The following POTEB variants were observed in gnomAD, a reference collection of about 807,000 sequenced individuals.
POTEB encodes ANKRD26-like family B, member 1.
intron 9 of POTEB, among the ~76,000 whole-genome samples, chr15:21,855,332 C>G (rs1484106957): frequency 2.0e-5 from 3 of 148,182 alleles, no homozygotes; most frequent in Non-Finnish European, 4.5e-5. Flanking sequence ...GGAACACAGC[C>G]ATGCTTATTC....
Position 21,871,367 on chromosome 15 carries a change from A to ACACACC in POTEB, c.699+639_699+640insGGTGTG, listed in dbSNP as rs1274510700. Among the ~76,000 whole-genome samples, 107 of 15,276 alleles carry ACACACC rather than the reference A, an allele frequency of 7.0e-3. 6 individuals carry two copies. The highest frequency in any genetic ancestry group is 0.016 in the African/African-American group (99 of 6,182). The allele number at this position is 15,276 out of a possible 152,430, so 10.0% of individuals were successfully genotyped here. A position where few individuals can be genotyped will look rare whatever the true frequency, so the allele number is the denominator to read the frequency against. ...CAAATGAATGAACAACAATAACAACACACACACACACACACACACACACAC... is the reference window on the plus strand; with the variant it reads ...CAAATGAATGAACAACAATAACAACACACACCCACACACACACACACACACACACAC... On this transcript the variant is annotated intron_variant, in intron 3 of 10. Coordinates refer to ENST00000439682, the MANE Select transcript of POTEB (RefSeq NM_001277304.2).
chr15:21,866,640 C>CCGTATCATT (rs1278586704), intron 5 of POTEB, among the ~76,000 whole-genome samples: 4 of 32 alleles, frequency 0.12, no homozygotes, highest in African/African-American at 0.13. Flanking sequence ...GATCTGGTAG[C>CCGTATCATT]AAAGAAGAAG....
Position 21,856,929 on chromosome 15 carries a change from ACTT to A in POTEB, c.1158_1160del (p.Ser387del). 1.0e-5 allele frequency: 4 copies of A among 388,398 alleles called. No individual in the cohort carries two copies. Among genetic ancestry groups the A allele is most frequent in the African/African-American group, 7.6e-5 (1 of 13,116 alleles). The allele number at this position is 388,398 out of a possible 1,614,324, so 24.1% of individuals were successfully genotyped here. The stretch of plus-strand genomic sequence containing the variant: ...GGTTTTCTGGTAATCCCACAGGATT[ACTT>A]CCATGCTTCTTTATTTCTTCTTCAA... On this transcript the variant is annotated inframe_deletion, in exon 9 of 11. Coordinates refer to ENST00000439682, the MANE Select transcript of POTEB (RefSeq NM_001277304.2).
At chr15:21,858,992 CA>C (rs1241075835) in intron 7 of POTEB, among the ~76,000 whole-genome samples, 1 of 92,234 alleles carries the variant, frequency 1.1e-5, no homozygotes, top group East Asian at 3.6e-4. Flanking sequence ...CAGGGACCTT[CA>C]GTGTTACATT....
At chr15:21,870,388 G>C in intron 3 of POTEB, among the ~76,000 whole-genome samples, 1 of 53,116 alleles carries the variant, frequency 1.9e-5, no homozygotes, top group Non-Finnish European at 4.1e-5. Context: ...CCAGCCTGGG[G>C]AACAGAGTGA....
At chr15:21,854,850 T>A (rs1287951794) in intron 9 of POTEB, among the ~76,000 whole-genome samples, 1 of 146,082 alleles carries the variant, frequency 6.8e-6, no homozygotes, top group African/African-American at 2.5e-5. Context: ...ATCTTAAAAC[T>A]ATAGAACTAA....
chr15:21,868,566 G>C (rs2141624368), intron 4 of POTEB, among the ~76,000 whole-genome samples: 1 of 52,426 alleles, frequency 1.9e-5, no homozygotes, highest in Non-Finnish European at 3.4e-5. Context: ...TGTGGGAATA[G>C]CAATTAATTG....
intron 9 of POTEB, among the ~76,000 whole-genome samples, chr15:21,851,645 CAG>C (rs1481808289): frequency 7.8e-6 from 1 of 127,976 alleles, no homozygotes; most frequent in Non-Finnish European, 1.7e-5. Flanking sequence ...AAAAGGAAAA[CAG>C]ATCTTCCTGA....
rs553559913 is a variant in POTEB, at chr15:21,855,194, C to T, written c.1298+1598G>A. Among the ~76,000 whole-genome samples the T allele has an allele frequency of 1.1e-4, 17 of 148,508 alleles. 1 individual carries two copies. In the East Asian group the frequency reaches 1.8e-3, roughly 15 times the overall value. On this transcript the variant is annotated intron_variant, in intron 9 of 10. Transcript: ENST00000439682. ...TTCTCAAAGGAAAGATACTGTCACA[C>T]ATGCTGGGCACTTTTATAAATAAGT... is the stretch of plus-strand genomic sequence containing the variant.
At chr15:21,854,633 T>C (rs1161673190) in intron 9 of POTEB, among the ~76,000 whole-genome samples, 1 of 149,604 alleles carries the variant, frequency 6.7e-6, no homozygotes, top group Non-Finnish European at 1.5e-5. Context: ...TTCGTGAGTG[T>C]AGACAGTTCT....
At chr15:21,855,185 A>G (rs1408689947) in intron 9 of POTEB, among the ~76,000 whole-genome samples, 1 of 148,428 alleles carries the variant, frequency 6.7e-6, no homozygotes, top group Non-Finnish European at 1.5e-5. Context: ...AAGGAAAGAT[A>G]CTGTCACACA....
chr15:21,855,016 A>C (rs1484601698), intron 9 of POTEB, among the ~76,000 whole-genome samples: 2 of 144,580 alleles, frequency 1.4e-5, no homozygotes, highest in African/African-American at 2.5e-5. Context: ...TCGAATATAC[A>C]AAGTAATTGA....
intron 3 of POTEB, among the ~76,000 whole-genome samples, chr15:21,871,775 T>G (rs1156486745): frequency 3.0e-5 from 1 of 33,108 alleles, no homozygotes; most frequent in Non-Finnish European, 8.2e-5. Context: ...AAATTCAGTG[T>G]TTTTTTTTTT....
intron 9 of POTEB, among the ~76,000 whole-genome samples, chr15:21,854,912 T>C (rs1187983641): frequency 6.8e-6 from 1 of 146,310 alleles, no homozygotes; most frequent in Non-Finnish European, 1.5e-5. Flanking sequence ...ATTTTGTTCA[T>C]GCTTATACAT....
At chr15:21,854,449 C>T (rs1208715256) in intron 9 of POTEB, among the ~76,000 whole-genome samples, 3 of 150,050 alleles carry the variant, frequency 2.0e-5, no homozygotes, top group African/African-American at 7.3e-5. Context: ...AGGAGATGCC[C>T]TCCATTGGCT....
At chr15:21,853,432 A>G (rs1400528766) in intron 9 of POTEB, among the ~76,000 whole-genome samples, 1 of 2,758 alleles carries the variant, frequency 3.6e-4, no homozygotes, top group African/African-American at 3.8e-4. Context: ...ACATACTCCG[A>G]GTGAAATGGG....
rs1343344172 is a variant in POTEB at position 21,855,165 on chromosome 15, C to T, written c.1298+1627G>A. Among the ~76,000 whole-genome samples, 5 of 148,450 alleles carry T rather than the reference C, an allele frequency of 3.4e-5. No individual in the cohort carries two copies. In the South Asian group the frequency reaches 1.1e-3, roughly 32 times the overall value. On this transcript the variant is annotated intron_variant, in intron 9 of 10. Transcript: ENST00000439682. The stretch of plus-strand genomic sequence containing the variant: ...TGGTGAGGTGAATACCAAAATATAT[C>T]TTTTTCTCAAAGGAAAGATACTGTC...
rs1366902143 is a variant in POTEB at position 21,871,785 on chromosome 15, T to A, written c.699+222A>T. The stretch of plus-strand genomic sequence containing the variant: ...TTTACAAATTCAGTGTTTTTTTTTT[T>A]AAAAAGCATTAACCACAAGTGCACT... On this transcript the variant is annotated intron_variant, in intron 3 of 10. Coordinates refer to ENST00000439682, the MANE Select transcript of POTEB (RefSeq NM_001277304.2). Among the ~76,000 whole-genome samples, 120 of 33,528 alleles carry A rather than the reference T, an allele frequency of 3.6e-3. 9 individuals carry two copies. Among genetic ancestry groups the A allele is most frequent in the Admixed American group, 6.1e-3 (14 of 2,282 alleles). 22.0% of individuals were successfully genotyped at this position (33,528 alleles called of 152,430 possible).
chr15:21,871,408 CAAAA>C lies in POTEB; in HGVS notation c.699+595_699+598del, dbSNP rs1274450084. ...ACACACACACACACACACACACAAA[CAAAA>C]ACAAAAACAAAAACAAAAAAAAACC... On this transcript the variant is annotated intron_variant, in intron 3 of 10. Coordinates refer to ENST00000439682, the MANE Select transcript of POTEB (RefSeq NM_001277304.2). 2.2e-3 allele frequency among the ~76,000 whole-genome samples: 41 copies of C among 18,904 alleles called. 1 individual carries two copies. Among genetic ancestry groups the C allele is most frequent in the Admixed American group, 5.9e-3 (6 of 1,010 alleles). The allele number at this position is 18,904 out of a possible 152,430, so 12.4% of individuals were successfully genotyped here.
Sources: gnomAD v4.1 joint callset for allele counts (sites outside exome capture counted in the v4.1 genomes callset) on GRCh38, gnomAD v4.1.1 for gene constraint, MANE v1.5 for transcripts, NCBI Gene and HGNC (gene_info 2026-07-23, HGNC 2026-07-21) for gene names.